Variants in BCL2 observed in about 807,000 individuals in gnomAD.
The protein encoded by BCL2 is apoptosis regulator Bcl-2.
In BCL2, 1 loss-of-function variant was observed where a neutral mutation model predicts 14.2. That is an observed-to-expected ratio of 0.07 (90% CI 0.02 to 0.33). BCL2 has a LOEUF of 0.33. Among genes scored for constraint, BCL2 ranks in the 10% least tolerant of loss-of-function variants. The pLI, the probability that BCL2 is intolerant of heterozygous loss-of-function variation, is 0.99. For synonymous variants in BCL2, 151 were observed against 137.2 expected (o/e 1.10, Z -0.70); for missense variants, 247 against 305.9 (o/e 0.81, Z 1.44).
In BCL2 at chr18:63,126,618, A is replaced by C. The variant is rs1454922808; in HGVS notation, c.*2007T>G. On this transcript the variant is annotated 3_prime_UTR_variant, in exon 3 of 3. Transcript: ENST00000333681. ...AAATGCACATGACTTGGTTGAAACA[A>C]AGCTCCTCAGTGGCCAGTGACATCC... 1 of 228,794 alleles carries C rather than the reference A, an allele frequency of 4.4e-6. No individual in the cohort carries two copies. The highest frequency in any genetic ancestry group is 2.2e-5 in the African/African-American group (1 of 45,104). 14.2% of individuals were successfully genotyped at this position (228,794 alleles called of 1,614,324 possible).
intron 2 of BCL2, among the ~76,000 whole-genome samples, chr18:63,177,068 C>A (rs945774104): frequency 3.3e-5 from 5 of 151,918 alleles, no homozygotes; most frequent in African/African-American, 1.2e-4. Flanking sequence ...AGGTGCACAC[C>A]CCCACGCCCA....
intron 2 of BCL2, among the ~76,000 whole-genome samples, chr18:63,205,344 C>T (rs571764569): frequency 7.9e-5 from 12 of 152,340 alleles, no homozygotes; most frequent in Middle Eastern, 3.4e-3. Context: ...ATCTTTGTCT[C>T]TTCAGCAAGT....
intron 2 of BCL2, among the ~76,000 whole-genome samples, chr18:63,244,763 A>T (rs937374816): frequency 2.6e-5 from 4 of 152,190 alleles, no homozygotes; most frequent in African/African-American, 4.8e-5. Context: ...CAAACAGAAA[A>T]TCTCAAGGAA....
intron 2 of BCL2, among the ~76,000 whole-genome samples, chr18:63,305,813 T>G (rs1913111846): frequency 6.6e-6 from 1 of 152,204 alleles, no homozygotes; most frequent in Non-Finnish European, 1.5e-5. Flanking sequence ...GACCCATGCC[T>G]GTAATCCCAG....
intron 2 of BCL2, among the ~76,000 whole-genome samples, chr18:63,277,775 T>G (rs1912198659): frequency 6.6e-6 from 1 of 151,940 alleles, no homozygotes; most frequent in Non-Finnish European, 1.5e-5. Flanking sequence ...CTTTGCTAGG[T>G]AAAGAGTAGT....
intron 2 of BCL2, among the ~76,000 whole-genome samples, chr18:63,227,414 G>A (rs2144171068): frequency 6.6e-6 from 1 of 152,264 alleles, no homozygotes; most frequent in South Asian, 2.1e-4. Context: ...TCACCGTATT[G>A]CCCAGGCTAG....
At chr18:63,249,625 G>A (rs1020868983) in intron 2 of BCL2, among the ~76,000 whole-genome samples, 2 of 147,958 alleles carry the variant, frequency 1.4e-5, no homozygotes, top group African/African-American at 5.0e-5. Flanking sequence ...CAGGAGAATC[G>A]CTTGAACCCA....
At chr18:63,134,227 A>G (rs1177328362) in intron 2 of BCL2, among the ~76,000 whole-genome samples, 2 of 152,214 alleles carry the variant, frequency 1.3e-5, no homozygotes, top group Non-Finnish European at 2.9e-5. Context: ...ACAAACATGT[A>G]TATTACTATT....
At chr18:63,289,668 TG>T (rs1311735237) in intron 2 of BCL2, among the ~76,000 whole-genome samples, 2 of 151,846 alleles carry the variant, frequency 1.3e-5, no homozygotes, top group African/African-American at 4.8e-5. Context: ...CCAAGGCAGG[TG>T]GATCACTTGA....
Position 63,318,421 on chromosome 18 carries a change from C to CGCG in BCL2, c.243_245dup (p.Ala82dup). 2 of 1,493,114 alleles carry CGCG rather than the reference C, an allele frequency of 1.3e-6. No homozygotes were observed. The highest frequency in any genetic ancestry group is 1.8e-6 in the Non-Finnish European group (2 of 1,131,418). The allele number at this position is 1,493,114 out of a possible 1,614,324, so 92.5% of individuals were successfully genotyped here. On this transcript the variant is annotated inframe_insertion, in exon 2 of 3. Coordinates refer to ENST00000333681, the MANE Select transcript of BCL2 (RefSeq NM_000633.3). The surrounding 1 kb of genome is among the most constrained non-coding windows in gnomAD (Gnocchi z 7.4). ...GTGGCACCGGGCTGAGCGCAGGCCC[C>CGCG]GCGGCGGCGCCGGGGGCAGCCGGGG...
intron 2 of BCL2, among the ~76,000 whole-genome samples, chr18:63,132,266 C>T (rs982036543): frequency 1.3e-5 from 2 of 152,204 alleles, no homozygotes; most frequent in Admixed American, 6.5e-5. Flanking sequence ...TGAAGATTAA[C>T]GTAGGTCACT....
intron 2 of BCL2, among the ~76,000 whole-genome samples, chr18:63,129,292 C>CTTTT (rs71160900): frequency 6.9e-6 from 1 of 145,200 alleles, no homozygotes. Context: ...CTTTTTCTTT[C>CTTTT]TTTTTTTTTT....
intron 2 of BCL2, among the ~76,000 whole-genome samples, chr18:63,237,518 A>C (rs1244610288): frequency 6.6e-6 from 1 of 152,146 alleles, no homozygotes; most frequent in Non-Finnish European, 1.5e-5. Context: ...AAGGCATATG[A>C]TTCTGTCTTT....
chr18:63,256,842 T>C lies in BCL2; in HGVS notation c.585+61240A>G, dbSNP rs368366729. On this transcript the variant is annotated intron_variant, in intron 2 of 2. Coordinates refer to ENST00000333681, the MANE Select transcript of BCL2 (RefSeq NM_000633.3). ...CCATCTACAGAGTAAGCAGAGTCAT[T>C]AACAGTATGTTCTACTCTATTAAAA... Among the ~76,000 whole-genome samples, 16 of 152,288 alleles carry C rather than the reference T, an allele frequency of 1.1e-4. No homozygotes were observed. In the East Asian group the frequency reaches 1.2e-3, roughly 11 times the overall value.
intron 2 of BCL2, among the ~76,000 whole-genome samples, chr18:63,179,007 A>G (rs1915417171): frequency 6.6e-6 from 1 of 152,200 alleles, no homozygotes. Flanking sequence ...ACCAACATGC[A>G]ATTTAAAAAA....
At chr18:63,156,087 CAAAAAAAAA>C (rs10640757) in intron 2 of BCL2, among the ~76,000 whole-genome samples, 2 of 64,252 alleles carry the variant, frequency 3.1e-5, no homozygotes, top group African/African-American at 5.4e-5. Flanking sequence ...GCTGAGAAGC[CAAAAAAAAA>C]AAAAAAAAAA....
chr18:63,304,141 G>C (rs1913048588), intron 2 of BCL2, among the ~76,000 whole-genome samples: 1 of 152,072 alleles, frequency 6.6e-6, no homozygotes, highest in African/African-American at 2.4e-5. Flanking sequence ...TCATTACTTT[G>C]TGGCCCTTAT....
intron 2 of BCL2, among the ~76,000 whole-genome samples, chr18:63,279,864 C>T (rs1208197774): frequency 6.6e-6 from 1 of 152,154 alleles, no homozygotes; most frequent in Non-Finnish European, 1.5e-5. Flanking sequence ...TAATTTATAT[C>T]ATTTAGGGTG....
chr18:63,271,855 A>T (rs1294912122), intron 2 of BCL2, among the ~76,000 whole-genome samples: 1 of 152,164 alleles, frequency 6.6e-6, no homozygotes, highest in Non-Finnish European at 1.5e-5. Flanking sequence ...TGAAACAGAG[A>T]TTTATGACAG....
Sources: allele counts gnomAD v4.1 joint callset (sites outside exome capture counted in the v4.1 genomes callset), GRCh38; gene constraint gnomAD v4.1.1; non-coding constraint Gnocchi (gnomAD v3.1); transcripts MANE v1.5; gene names NCBI Gene and HGNC (gene_info 2026-07-23, HGNC 2026-07-21).